MAST4: variants seen among roughly 807,000 people sequenced by gnomAD.
MAST4 encodes the protein microtubule-associated serine/threonine-protein kinase 4.
A neutral mutation model predicts 162.7 loss-of-function variants in MAST4; 89 were observed. The ratio of observed to expected loss-of-function variants is 0.55; its 90% CI spans 0.46 to 0.65. The LOEUF (loss-of-function observed/expected upper bound fraction) is 0.65. Ranked by LOEUF, MAST4 falls within the 30% of genes least tolerant of loss-of-function variation. The pLI is 0.00. For synonymous variants in MAST4, 1,479 were observed against 1,361.1 expected (o/e 1.09, Z -1.91); for missense variants, 3,153 against 3,374.0 (o/e 0.93, Z 1.62).
intron 4 of MAST4, among the ~76,000 whole-genome samples, chr5:66,943,833 A>T (rs1165747526): frequency 6.6e-6 from 1 of 152,052 alleles, no homozygotes; most frequent in Non-Finnish European, 1.5e-5. Context: ...CCCCCAAAGA[A>T]TCAAAGTTAG....
In MAST4 at chr5:66,750,446, G is replaced by A. The variant is rs192446138; in HGVS notation, c.364-9263G>A. Among the ~76,000 whole-genome samples the A allele has an allele frequency of 2.1e-3, 317 of 152,374 alleles. 2 individuals are homozygous for A. The highest frequency in any genetic ancestry group is 7.3e-3 in the African/African-American group (302 of 41,588). ...GCAGGTCAGTGGGTGCGTGCACCGT[G>A]TGCGAGCCGAAGCAGGGCGAGGCAC... On this transcript the variant is annotated intron_variant, in intron 1 of 28. Transcript: ENST00000403625.
rs187604346 is a variant in MAST4 at position 66,986,660 on chromosome 5, G to A, written c.675-67744G>A. 879 of 207,360 alleles carry A rather than the reference G, an allele frequency of 4.2e-3. 6 individuals are homozygous for A. The highest frequency in any genetic ancestry group is 7.6e-3 in the South Asian group (43 of 5,678). The allele number at this position is 207,360 out of a possible 1,614,324, so 12.8% of individuals were successfully genotyped here. On this transcript the variant is annotated intron_variant, in intron 4 of 28. Coordinates refer to ENST00000403625, the MANE Select transcript of MAST4 (RefSeq NM_001164664.2). Reference sequence around the variant, plus strand: ...TTTTGAGACAGGGTCTCACTCTGTTGCTCAGGCTGGAGGGCAGTAACACGA... The same window carrying A: ...TTTTGAGACAGGGTCTCACTCTGTTACTCAGGCTGGAGGGCAGTAACACGA...
chr5:66,722,349 T>C lies in MAST4; in HGVS notation c.364-37360T>C, dbSNP rs1580293224. On this transcript the variant is annotated intron_variant, in intron 1 of 28. Coordinates refer to ENST00000403625, the MANE Select transcript of MAST4 (RefSeq NM_001164664.2). ...TTACCCTATGTAGGGGCTAATTCCC[T>C]TAACTCCTTTAAGTCTTCACCGAAA... is the stretch of plus-strand genomic sequence containing the variant. Among the ~76,000 whole-genome samples the C allele has an allele frequency of 8.5e-5, 13 of 152,210 alleles. No homozygotes were observed. The South Asian group carries it at 2.7e-3, about 32-fold the overall frequency.
At position 67,155,230 on chromosome 5, in the gene MAST4, A is replaced by G. The variant is rs768602823; in HGVS notation, c.3648+1650A>G. Among the ~76,000 whole-genome samples the G allele has an allele frequency of 2.0e-5, 3 of 152,212 alleles. No individual in the cohort carries two copies. The South Asian group carries it at 6.2e-4, about 32-fold the overall frequency. On this transcript the variant is annotated intron_variant, in intron 26 of 28. Transcript: ENST00000403625. The stretch of plus-strand genomic sequence containing the variant: ...GCTATGGGAGCACTATCTTCCATGC[A>G]TAGGCAAACTTGTCCAAAGTCACTC...
In MAST4 at chr5:66,790,404, C is replaced by A. The variant is rs368274451; in HGVS notation, c.642+1610C>A. 1.8e-4 allele frequency among the ~76,000 whole-genome samples: 27 copies of A among 152,208 alleles called. No individual in the cohort carries two copies. The South Asian group carries it at 5.4e-3, about 30-fold the overall frequency. ...CTTTCTTCTCTGGAATTTCCTGATT[C>A]TTCTTTCAGAATAATTTTGAATGTG... is the stretch of plus-strand genomic sequence containing the variant. On this transcript the variant is annotated intron_variant, in intron 3 of 28. Coordinates refer to ENST00000403625, the MANE Select transcript of MAST4 (RefSeq NM_001164664.2).
intron 1 of MAST4, among the ~76,000 whole-genome samples, chr5:66,727,182 C>T (rs944682523): frequency 5.3e-5 from 8 of 152,186 alleles, no homozygotes; most frequent in African/African-American, 1.9e-4. Context: ...ATTTATATCA[C>T]AACCTGGTAC....
chr5:66,718,479 T>G (rs191368773), intron 1 of MAST4, among the ~76,000 whole-genome samples: 3 of 152,186 alleles, frequency 2.0e-5, no homozygotes, highest in East Asian at 3.9e-4. Context: ...TGAGTGTGCT[T>G]GGCCCCGTGT....
At chr5:66,794,737 T>C (rs1755568823) in intron 3 of MAST4, among the ~76,000 whole-genome samples, 1 of 152,236 alleles carries the variant, frequency 6.6e-6, no homozygotes, top group South Asian at 2.1e-4. Flanking sequence ...ATTTTAACTT[T>C]TAAATATTAG....
At chr5:66,877,701 T>C (rs1463746602) in intron 3 of MAST4, among the ~76,000 whole-genome samples, 1 of 152,190 alleles carries the variant, frequency 6.6e-6, no homozygotes, top group Non-Finnish European at 1.5e-5. Flanking sequence ...TATTGAAATA[T>C]AATATGGACT....
intron 4 of MAST4, among the ~76,000 whole-genome samples, chr5:66,969,277 C>G (rs185701145): frequency 2.0e-4 from 30 of 152,234 alleles, no homozygotes; most frequent in African/African-American, 6.7e-4. Flanking sequence ...TGAAGTGGCC[C>G]TGGAGATACT....
intron 1 of MAST4, among the ~76,000 whole-genome samples, chr5:66,719,748 A>C (rs962970464): frequency 1.8e-4 from 27 of 152,234 alleles, no homozygotes; most frequent in African/African-American, 5.8e-4. Context: ...ATTCATTGAA[A>C]TTTGGGCAAA....
intron 2 of MAST4, among the ~76,000 whole-genome samples, chr5:66,782,718 T>A (rs1401867706): frequency 6.6e-6 from 1 of 152,188 alleles, no homozygotes; most frequent in Non-Finnish European, 1.5e-5. Context: ...CAAGCTCAAT[T>A]TGGTATTAAA....
intron 3 of MAST4, chr5:66,828,789 G>A: frequency 6.3e-7 from 1 of 1,587,566 alleles, no homozygotes; most frequent in Non-Finnish European, 8.6e-7. Flanking sequence ...CTGAAGTAGA[G>A]GTAGTACAGC....
intron 2 of MAST4, among the ~76,000 whole-genome samples, chr5:66,770,430 C>T (rs1011186365): frequency 1.3e-5 from 2 of 152,160 alleles, no homozygotes; most frequent in Non-Finnish European, 2.9e-5. Context: ...GAGCCTTCTG[C>T]CGGAGCTCAT....
chr5:66,640,084 C>T (rs1745387956), intron 1 of MAST4, among the ~76,000 whole-genome samples: 1 of 152,136 alleles, frequency 6.6e-6, no homozygotes, highest in Admixed American at 6.5e-5. Context: ...ACCTACAACT[C>T]CCCATTCCCC....
intron 3 of MAST4, among the ~76,000 whole-genome samples, chr5:66,837,528 T>C (rs190480): frequency 0.46 from 69,764 of 151,764 alleles, 16,633 homozygotes; most frequent in East Asian, 0.56. Context: ...TATTTTGTGC[T>C]GTCTTTTGGA....
At position 67,163,918 on chromosome 5, in the gene MAST4, C is replaced by T. The variant is rs375084199; in HGVS notation, c.4739C>T (p.Ala1580Val). 24 of 1,613,864 alleles carry T rather than the reference C, an allele frequency of 1.5e-5. No individual in the cohort carries two copies. The East Asian group carries it at 2.7e-4, about 18-fold the overall frequency. ...EEREKKVYPK[A>V]VERSSTFENK... The stretch of plus-strand genomic sequence containing the variant: ...AGAGAGAAGAAAGTCTATCCGAAGG[C>T]TGTGGAAAGGTCAAGTACTTTTGAA... Residue 1580 changes from alanine (A) to valine (V), a missense_variant, in exon 29 of 29, where the codon GCT (alanine) becomes GTT (valine). Coordinates refer to ENST00000403625, the MANE Select transcript of MAST4 (RefSeq NM_001164664.2). This position sits in a 1 kb window ranked among gnomAD's most constrained non-coding sequence, Gnocchi z 7.0.
chr5:66,796,497 A>T (rs1268137819), intron 3 of MAST4, among the ~76,000 whole-genome samples: 1 of 152,088 alleles, frequency 6.6e-6, no homozygotes, highest in African/African-American at 2.4e-5. Flanking sequence ...AGCTCTCTGC[A>T]TGGGTCTCTG....
chr5:67,120,272 T>A (rs1716139347), intron 13 of MAST4, among the ~76,000 whole-genome samples: 1 of 152,042 alleles, frequency 6.6e-6, no homozygotes, highest in Non-Finnish European at 1.5e-5. Context: ...GATGACAGGG[T>A]CAGTGATGAC....
Sources: allele counts gnomAD v4.1 joint callset (sites outside exome capture counted in the v4.1 genomes callset), GRCh38; gene constraint gnomAD v4.1.1; non-coding constraint Gnocchi (gnomAD v3.1); transcripts MANE v1.5; gene names NCBI Gene and HGNC (gene_info 2026-07-23, HGNC 2026-07-21).